The following SERPINB13 variants were observed in gnomAD, a reference collection of about 807,000 sequenced individuals.
The protein encoded by SERPINB13 is serpin family B member 13, also known as serpin B13.
SERPINB13 carries 26 observed loss-of-function variants against 31.2 expected under a neutral mutation model. The observed-to-expected ratio is 0.83, with a 90% CI of 0.61 to 1.15. SERPINB13 has a LOEUF of 1.15. SERPINB13 is among the 50% of genes most tolerant of loss of function. The probability of loss-of-function intolerance (pLI) is 0.00; values close to 1 mark genes in which losing one functional copy is unlikely to be tolerated. For missense variants in SERPINB13, 510 were observed against 469.4 expected, an observed-to-expected ratio of 1.09 and a Z score of -0.80; for synonymous variants, 191 against 172.4, an observed-to-expected ratio of 1.11 and a Z score of -0.85.
chr18:63,593,496 G>T (rs1270426419), intron 5 of SERPINB13, among the ~76,000 whole-genome samples: 2 of 152,152 alleles, frequency 1.3e-5, no homozygotes, highest in African/African-American at 4.8e-5. Flanking sequence ...GCATAGTGCA[G>T]GGGTAACGAC....
chr18:63,594,493 A>G lies in SERPINB13; in HGVS notation c.611A>G (p.Asn204Ser). Residue 204 changes from asparagine to serine, a missense_variant, in exon 6 of 8, where the codon AAT (asparagine) becomes AGT (serine). Physicochemically the swap from Asn to Ser is conservative, Grantham distance 46. Coordinates refer to ENST00000344731, the MANE Select transcript of SERPINB13 (RefSeq NM_012397.4). ...ACTAAGGAAGAGAAATTTTGGATGA[A>G]TAAGGTATGGCCCTTAGTTTATTTT... ...ENTKEEKFWM[N>S]KSTSKSVQMM... 2 of 1,613,892 alleles carry G rather than the reference A, an allele frequency of 1.2e-6. No homozygotes were observed. The highest frequency in any genetic ancestry group is 1.7e-6 in the Non-Finnish European group (2 of 1,179,842).
At chr18:63,594,634 A>G in intron 6 of SERPINB13, 137 bp downstream of exon 6, 1 of 874,518 alleles carries the variant, frequency 1.1e-6, no homozygotes, top group South Asian at 1.7e-5. Flanking sequence ...AGATCAAGGG[A>G]TCGAGACTAT....
In SERPINB13 at chr18:63,590,662, A is replaced by G. The variant is rs114317972; in HGVS notation, c.225+947A>G. ...AGAACCTTTGTGCAAATTAGAAAACAGCTCATTCTTTTGGATAGCTGCCCT... is the reference window on the plus strand; with the variant it reads ...AGAACCTTTGTGCAAATTAGAAAACGGCTCATTCTTTTGGATAGCTGCCCT... On this transcript the variant is annotated intron_variant, in intron 3 of 7. Coordinates refer to ENST00000344731, the MANE Select transcript of SERPINB13 (RefSeq NM_012397.4). 2.8e-3 allele frequency among the ~76,000 whole-genome samples: 433 copies of G among 152,346 alleles called. 3 individuals carry two copies. The highest frequency in any genetic ancestry group is 1.0e-2 in the African/African-American group (414 of 41,576).
chr18:63,593,326 A>G (rs1911968460), intron 5 of SERPINB13, among the ~76,000 whole-genome samples: 1 of 152,196 alleles, frequency 6.6e-6, no homozygotes, highest in African/African-American at 2.4e-5. Flanking sequence ...TCCTGAAAAT[A>G]GGATGATGCC....
chr18:63,596,505 A>G (rs1382329772), intron 7 of SERPINB13, among the ~76,000 whole-genome samples: 3 of 152,226 alleles, frequency 2.0e-5, no homozygotes, highest in African/African-American at 7.2e-5. Context: ...AAGTGAATGA[A>G]TAGCTAAATA....
chr18:63,589,894 A>G (rs1911750804), intron 3 of SERPINB13, 179 bp downstream of exon 3: 4 of 1,258,418 alleles, frequency 3.2e-6, no homozygotes, highest in Admixed American at 2.8e-5. Flanking sequence ...TAAGGATTAT[A>G]CAATAATAAT....
rs1436265789 is a variant in SERPINB13, at chr18:63,598,910, TC to T, written c.*1549del. On this transcript the variant is annotated 3_prime_UTR_variant, in exon 8 of 8. Coordinates refer to ENST00000344731, the MANE Select transcript of SERPINB13 (RefSeq NM_012397.4). ...TAGTGTCTTCAAATCCTCACCAACA[TC>T]CAGGATTGTGTCTTTATGATTATAG... 1 of 152,202 alleles carries T rather than the reference TC, an allele frequency of 6.6e-6. No homozygotes were observed. Among genetic ancestry groups the T allele is most frequent in the Non-Finnish European group, 1.5e-5 (1 of 68,024 alleles). 9.4% of individuals were successfully genotyped at this position (152,202 alleles called of 1,614,324 possible).
intron 5 of SERPINB13, 118 bp downstream of exon 5, chr18:63,593,089 G>GCACC: frequency 7.4e-6 from 5 of 676,256 alleles, no homozygotes; most frequent in Non-Finnish European, 1.3e-5. Context: ...TGCGTGGGGT[G>GCACC]CCATGCAGTG....
At chr18:63,587,747 T>C (rs1425090875) in intron 1 of SERPINB13, among the ~76,000 whole-genome samples, 3 of 152,270 alleles carry the variant, frequency 2.0e-5, no homozygotes, top group Non-Finnish European at 4.4e-5. Context: ...CCCCAAAGTA[T>C]GTGGGCTTTA....
chr18:63,587,564 T>C, intron 1 of SERPINB13, 114 bp downstream of exon 1: 1 of 414,938 alleles, frequency 2.4e-6, no homozygotes, highest in South Asian at 1.9e-5. Context: ...TAGTTTTATT[T>C]AATTCAGTTC....
intron 1 of SERPINB13, among the ~76,000 whole-genome samples, chr18:63,587,682 C>A (rs991267208): frequency 6.6e-6 from 1 of 152,208 alleles, no homozygotes; most frequent in African/African-American, 2.4e-5. Flanking sequence ...GAAATGAAAG[C>A]TTTGATATCA....
At chr18:63,588,616 A>G (rs779073455) in intron 1 of SERPINB13, 35 bp from the exon 2 acceptor site, 2 of 1,593,044 alleles carry the variant, frequency 1.3e-6, no homozygotes, top group Non-Finnish European at 1.7e-6. Flanking sequence ...AGTAATTCAA[A>G]TGTTCAGTTT....
intron 2 of SERPINB13, among the ~76,000 whole-genome samples, chr18:63,589,168 C>T (rs1053081202): frequency 2.0e-5 from 3 of 152,046 alleles, no homozygotes; most frequent in Admixed American, 6.5e-5. Context: ...TAAGCCAATA[C>T]GAGTTCCTTA....
In SERPINB13 at chr18:63,589,652, C is replaced by T. The variant is rs201306317; in HGVS notation, c.166-4C>T. The T allele has an allele frequency of 3.1e-6, 5 of 1,613,350 alleles. No individual in the cohort carries two copies. Among genetic ancestry groups the T allele is most frequent in the Non-Finnish European group, 4.2e-6 (5 of 1,179,744 alleles). On this transcript the variant is annotated splice_polypyrimidine_tract_variant and splice_region_variant and intron_variant, in intron 2 of 7. Coordinates refer to ENST00000344731, the MANE Select transcript of SERPINB13 (RefSeq NM_012397.4). Reference sequence around the variant, plus strand: ...ACCACAGTAATATTTTCTATCTCTTCCAGGTGTTTCACTCTGAAAAAGAGA... The same window carrying T: ...ACCACAGTAATATTTTCTATCTCTTTCAGGTGTTTCACTCTGAAAAAGAGA...
Position 63,594,503 on chromosome 18 carries a change from GCC to G in SERPINB13, c.615+8_615+9del. ...AGAAATTTTGGATGAATAAGGTATG[GCC>G]CTTAGTTTATTTTCGTGATGTGCTT... On this transcript the variant is annotated splice_region_variant and intron_variant, in intron 6 of 7. Transcript: ENST00000344731. 1 of 1,612,856 alleles carries G rather than the reference GCC, an allele frequency of 6.2e-7. No homozygotes were observed. Among genetic ancestry groups the G allele is most frequent in the Admixed American group, 1.7e-5 (1 of 59,828 alleles).
intron 2 of SERPINB13, among the ~76,000 whole-genome samples, chr18:63,589,407 A>G (rs1053706448): frequency 1.3e-5 from 2 of 151,620 alleles, no homozygotes; most frequent in African/African-American, 2.4e-5. Flanking sequence ...GTGAGCCAAG[A>G]TCATGCCACT....
At position 63,597,338 on chromosome 18, in the gene SERPINB13, T is replaced by C. The variant is rs574348937; in HGVS notation, c.1151T>C (p.Phe384Ser). 6.2e-7 allele frequency: 1 copy of C among 1,613,124 alleles called. No individual in the cohort carries two copies. The change falls in exon 8 of 8, where the codon TTC becomes TCC. Residue 384 changes from phenylalanine (F) to serine (S), a missense_variant. Coordinates refer to ENST00000344731, the MANE Select transcript of SERPINB13 (RefSeq NM_012397.4). ...CACAATGAATCCAACAGCATCCTCT[T>C]CTTCGGCAGATTTTCTTCTCCTTAA... ...IRHNESNSIL[F>S]FGRFSSP
chr18:63,596,549 A>G (rs1231776550), intron 7 of SERPINB13, among the ~76,000 whole-genome samples: 1 of 152,236 alleles, frequency 6.6e-6, no homozygotes, highest in East Asian at 1.9e-4. Context: ...TAAGAATATT[A>G]TCTAGCTGTT....
chr18:63,595,665 T>A (rs1489894754), intron 7 of SERPINB13, among the ~76,000 whole-genome samples: 2 of 152,052 alleles, frequency 1.3e-5, no homozygotes, highest in South Asian at 2.1e-4. Context: ...TTTAGGAGGC[T>A]GAGGCGGGCG....
Sources: allele counts gnomAD v4.1 joint callset (sites outside exome capture counted in the v4.1 genomes callset), GRCh38; gene constraint gnomAD v4.1.1; transcripts MANE v1.5; gene names NCBI Gene and HGNC (gene_info 2026-07-23, HGNC 2026-07-21).